The following MEIS2 variants were observed in gnomAD, a reference collection of about 807,000 sequenced individuals.
MEIS2 encodes the protein Meis homeobox 2.
In MEIS2, 9 loss-of-function variants were observed where a neutral mutation model predicts 58.6. The ratio of observed to expected loss-of-function variants is 0.15; its 90% CI spans 0.09 to 0.27. The LOEUF is 0.27. Ranked by LOEUF, MEIS2 falls within the 10% of genes least tolerant of loss-of-function variation. MEIS2 has a pLI of 1.00. For missense variants in MEIS2, 427 were observed against 635.0 expected, an observed-to-expected ratio of 0.67 and a Z score of 3.52; for synonymous variants, 221 against 228.4, an observed-to-expected ratio of 0.97 and a Z score of 0.29.
intron 7 of MEIS2, among the ~76,000 whole-genome samples, chr15:37,052,187 A>G (rs1025396953): frequency 6.6e-6 from 1 of 152,190 alleles, no homozygotes; most frequent in Non-Finnish European, 1.5e-5. Flanking sequence ...AATGGAAAAT[A>G]CAGAAATAAT....
intron 7 of MEIS2, among the ~76,000 whole-genome samples, chr15:37,040,529 A>G (rs2062380019): frequency 1.3e-5 from 2 of 152,188 alleles, no homozygotes; most frequent in South Asian, 4.1e-4. Flanking sequence ...GCTTCTTTGA[A>G]GAGCTGAGTA....
intron 9 of MEIS2, among the ~76,000 whole-genome samples, chr15:36,911,596 A>G (rs1008439208): frequency 6.6e-6 from 1 of 152,346 alleles, no homozygotes; most frequent in Middle Eastern, 3.4e-3. Flanking sequence ...CAGAGCTTAC[A>G]AGTACAAAAT....
chr15:37,038,086 A>G (rs575567723), intron 7 of MEIS2, among the ~76,000 whole-genome samples: 3 of 152,372 alleles, frequency 2.0e-5, no homozygotes, highest in African/African-American at 7.2e-5. Context: ...CTGGAAGGAC[A>G]TCTGGGAATT....
At chr15:37,073,333 A>G (rs1442636881) in intron 7 of MEIS2, among the ~76,000 whole-genome samples, 3 of 151,882 alleles carry the variant, frequency 2.0e-5, no homozygotes, top group Non-Finnish European at 2.9e-5. Flanking sequence ...AGCTCCCCCT[A>G]TAACTGAGTA....
At chr15:36,992,108 G>A (rs1465022718) in intron 8 of MEIS2, among the ~76,000 whole-genome samples, 3 of 151,974 alleles carry the variant, frequency 2.0e-5, no homozygotes, top group South Asian at 2.1e-4. Context: ...ATTTTCAATC[G>A]AATAACTTGT....
intron 9 of MEIS2, among the ~76,000 whole-genome samples, chr15:36,940,193 T>C (rs1428179093): frequency 1.3e-5 from 2 of 152,186 alleles, no homozygotes; most frequent in African/African-American, 4.8e-5. Flanking sequence ...AAAATCTATC[T>C]GAGCCTAATG....
chr15:36,905,349 C>A (rs2056678569), intron 9 of MEIS2, among the ~76,000 whole-genome samples: 1 of 152,086 alleles, frequency 6.6e-6, no homozygotes, highest in South Asian at 2.1e-4. Context: ...CTCAATCATG[C>A]CATGTTCTAG....
At chr15:36,925,151 AG>A (rs892821624) in intron 9 of MEIS2, among the ~76,000 whole-genome samples, 1 of 152,224 alleles carries the variant, frequency 6.6e-6, no homozygotes, top group Non-Finnish European at 1.5e-5. Context: ...AAAACAAAAC[AG>A]GAACAGAAAG....
At chr15:37,096,243 G>A (rs781748218) in intron 3 of MEIS2, 46 bp downstream of exon 3, 11 of 1,527,556 alleles carry the variant, frequency 7.2e-6, no homozygotes, top group South Asian at 6.3e-5. Flanking sequence ...AAAGGGGAGG[G>A]GTAGTGAGGG....
intron 7 of MEIS2, among the ~76,000 whole-genome samples, chr15:37,040,305 ACT>A (rs1289799015): frequency 3.3e-5 from 5 of 152,188 alleles, no homozygotes; most frequent in African/African-American, 1.2e-4. Flanking sequence ...TCCATGCCTG[ACT>A]CAGAACACAT....
At chr15:37,011,633 T>C (rs897132412) in intron 8 of MEIS2, among the ~76,000 whole-genome samples, 55 of 141,546 alleles carry the variant, frequency 3.9e-4, no homozygotes, top group Middle Eastern at 7.0e-3. Flanking sequence ...TTTTTTTTTT[T>C]TTTTGAGATG....
intron 8 of MEIS2, among the ~76,000 whole-genome samples, chr15:36,952,648 T>C (rs979129761): frequency 1.2e-4 from 18 of 149,296 alleles, no homozygotes; most frequent in African/African-American, 3.9e-4. Context: ...TGTGTGTGTG[T>C]GCATGTGTGT....
chr15:36,995,983 A>G (rs199618352), intron 8 of MEIS2, among the ~76,000 whole-genome samples: 38,209 of 81,706 alleles, frequency 0.47, 7,036 homozygotes, highest in Non-Finnish European at 0.52. Context: ...ATATATATAT[A>G]TATATATATA....
chr15:37,015,568 G>T (rs577072083), intron 8 of MEIS2, among the ~76,000 whole-genome samples: 1 of 152,010 alleles, frequency 6.6e-6, no homozygotes, highest in East Asian at 1.9e-4. Context: ...GGTTGGTCAG[G>T]GAGGGCAGAT....
intron 11 of MEIS2, chr15:36,894,938 T>A (rs537666628): frequency 4.1e-6 from 4 of 966,462 alleles, no homozygotes; most frequent in Admixed American, 3.6e-5. Context: ...AGAAAAAGGA[T>A]GTGTATGGGG....
At chr15:36,968,995 C>T (rs1399343559) in intron 8 of MEIS2, among the ~76,000 whole-genome samples, 1 of 152,140 alleles carries the variant, frequency 6.6e-6, no homozygotes, top group Non-Finnish European at 1.5e-5. Flanking sequence ...GTAAACCGGC[C>T]ATCATTTAGT....
chr15:36,952,607 C>CTGTGTGTGTGTGTG (rs59061267), intron 8 of MEIS2, among the ~76,000 whole-genome samples: 22 of 140,094 alleles, frequency 1.6e-4, no homozygotes, highest in African/African-American at 3.5e-4. Flanking sequence ...GTCTCTCTCT[C>CTGTGTGTGTGTGTG]TGTGTGTGTG....
In MEIS2 at chr15:36,986,651, C is replaced by A. The variant is rs1040926291; in HGVS notation, c.901-36251G>T. On this transcript the variant is annotated intron_variant, in intron 8 of 11. Coordinates refer to ENST00000561208, the MANE Select transcript of MEIS2 (RefSeq NM_170675.5). ...ATCCCAGCACTAGCTGGGTGGCTTC[C>A]TTTCTCAGAGGACCGAGTCCCAACT... Among the ~76,000 whole-genome samples the A allele has an allele frequency of 1.1e-4, 16 of 152,322 alleles. No individual in the cohort carries two copies. The East Asian group carries it at 3.1e-3, about 29-fold the overall frequency.
chr15:36,987,806 G>A (rs558485670), intron 8 of MEIS2, among the ~76,000 whole-genome samples: 1 of 149,678 alleles, frequency 6.7e-6, no homozygotes, highest in African/African-American at 2.5e-5. Flanking sequence ...TTAAACACTT[G>A]ATTCAGTCAC....
Sources: gnomAD v4.1 joint callset for allele counts (sites outside exome capture counted in the v4.1 genomes callset) on GRCh38, gnomAD v4.1.1 for gene constraint, MANE v1.5 for transcripts, NCBI Gene and HGNC (gene_info 2026-07-23, HGNC 2026-07-21) for gene names.